PCDHGA5: variants seen among roughly 807,000 people sequenced by gnomAD.
PCDHGA5 encodes the protein protocadherin gamma-A5.
PCDHGA5 carries 36 observed loss-of-function variants against 56.7 expected under a neutral mutation model. The ratio of observed to expected loss-of-function variants is 0.64; its 90% CI spans 0.49 to 0.84. The LOEUF (loss-of-function observed/expected upper bound fraction) is 0.84. Ranked by LOEUF, PCDHGA5 falls within the 40% of genes least tolerant of loss-of-function variation. The probability of loss-of-function intolerance (pLI) is 0.00; values close to 1 mark genes in which losing one functional copy is unlikely to be tolerated. For missense variants in PCDHGA5, 1,305 were observed against 1,201.5 expected, an observed-to-expected ratio of 1.09 and a Z score of -1.27; for synonymous variants, 563 against 520.2, an observed-to-expected ratio of 1.08 and a Z score of -1.12.
At position 141,370,360 on chromosome 5, in the gene PCDHGA5, C is replaced by T. The variant is rs775816151; in HGVS notation, c.2421+3609C>T. 2.2e-5 allele frequency: 34 copies of T among 1,516,792 alleles called. No homozygotes were observed. In the South Asian group the frequency reaches 4.3e-4, roughly 19 times the overall value. The allele number at this position is 1,516,792 out of a possible 1,614,324, so 94.0% of individuals were successfully genotyped here. Reference sequence around the variant, plus strand: ...TGGGATTATTTAAAGATCTCCTCTCCTCGGATTTAGAAAGGCAAAGGCGCA... The same window carrying T: ...TGGGATTATTTAAAGATCTCCTCTCTTCGGATTTAGAAAGGCAAAGGCGCA... On this transcript the variant is annotated intron_variant, in intron 1 of 3. Transcript: ENST00000518069.
chr5:141,422,836 G>A, intron 1 of PCDHGA5: 1 of 1,614,250 alleles, frequency 6.2e-7, no homozygotes, highest in Middle Eastern at 1.6e-4. Flanking sequence ...GATAGCACGT[G>A]ACAGCGGGGA....
At chr5:141,415,185 C>T (rs375113497) in intron 1 of PCDHGA5, 2 of 1,613,978 alleles carry the variant, frequency 1.2e-6, no homozygotes, top group Non-Finnish European at 8.5e-7. Flanking sequence ...CCGTGGCCGA[C>T]AGCATCCCCC....
intron 1 of PCDHGA5, chr5:141,400,564 C>T: frequency 6.2e-7 from 1 of 1,612,936 alleles, no homozygotes; most frequent in South Asian, 1.1e-5. Context: ...ATTACCCACC[C>T]AATTTTCTGT....
At chr5:141,435,719 C>T (rs890713374) in intron 1 of PCDHGA5, among the ~76,000 whole-genome samples, 6 of 152,156 alleles carry the variant, frequency 3.9e-5, no homozygotes, top group Admixed American at 3.3e-4. Context: ...ACACTGAATG[C>T]TAAAGTGTAT....
intron 1 of PCDHGA5, among the ~76,000 whole-genome samples, chr5:141,468,064 C>T (rs1026571562): frequency 3.3e-5 from 5 of 152,076 alleles, no homozygotes; most frequent in Non-Finnish European, 7.4e-5. Flanking sequence ...GTGGCTCACA[C>T]CTGTAATCCC....
chr5:141,375,000 A>G (rs1771022536), intron 1 of PCDHGA5: 3 of 1,614,046 alleles, frequency 1.9e-6, no homozygotes, highest in Non-Finnish European at 8.5e-7. Context: ...ACTTCTGCAA[A>G]TCTAGACTAT....
chr5:141,409,045 C>T (rs1228603483), intron 1 of PCDHGA5: 1 of 1,613,878 alleles, frequency 6.2e-7, no homozygotes, highest in Non-Finnish European at 8.5e-7. Flanking sequence ...ACTACTACTT[C>T]CGAAGCACTG....
intron 1 of PCDHGA5, chr5:141,421,700 C>G: frequency 6.2e-7 from 1 of 1,613,900 alleles, no homozygotes; most frequent in Non-Finnish European, 8.5e-7. Context: ...CTTCCTAATG[C>G]TAGGGATCCA....
intron 1 of PCDHGA5, among the ~76,000 whole-genome samples, chr5:141,461,100 T>C (rs926482549): frequency 1.1e-4 from 16 of 152,062 alleles, no homozygotes; most frequent in African/African-American, 3.6e-4. Context: ...TATAAACATA[T>C]GTGTCCAAGT....
intron 1 of PCDHGA5, among the ~76,000 whole-genome samples, chr5:141,406,591 A>T (rs559975786): frequency 6.6e-6 from 1 of 152,164 alleles, no homozygotes; most frequent in African/African-American, 2.4e-5. Flanking sequence ...TTTCCCTTTA[A>T]TGGTGAAAGT....
chr5:141,385,411 G>A, intron 1 of PCDHGA5: 1 of 1,474,668 alleles, frequency 6.8e-7, no homozygotes, highest in East Asian at 2.4e-5. Context: ...TTTGAAAATA[G>A]GGATTTAAAA....
intron 1 of PCDHGA5, chr5:141,385,487 A>T (rs1781222873): frequency 5.6e-6 from 8 of 1,416,434 alleles, no homozygotes; most frequent in Non-Finnish European, 6.4e-6. Context: ...TATAGAACAC[A>T]TAGGATATAG....
intron 1 of PCDHGA5, chr5:141,405,545 A>G (rs952875482): frequency 1.6e-6 from 1 of 631,162 alleles, no homozygotes; most frequent in South Asian, 2.0e-5. Flanking sequence ...TCAGCCTCCC[A>G]AGTAGAGTAG....
intron 1 of PCDHGA5, chr5:141,479,521 T>C (rs4912607): frequency 0.2 from 30,680 of 152,154 alleles, 3,215 homozygotes; most frequent in Admixed American, 0.29. Flanking sequence ...CTGGCCCAGG[T>C]TGGAAGTGGA....
In PCDHGA5 at chr5:141,490,803, C is replaced by A; in HGVS notation, c.2422-4004C>A. The A allele has an allele frequency of 6.2e-7, 1 of 1,613,956 alleles. No homozygotes were observed. Among genetic ancestry groups the A allele is most frequent in the South Asian group, 1.1e-5 (1 of 91,080 alleles). On this transcript the variant is annotated intron_variant, in intron 1 of 3. Transcript: ENST00000518069. The surrounding 1 kb of genome is among the most constrained non-coding windows in gnomAD (Gnocchi z 5.4). ...ATGGACGGATCTTTGCCCAGCGTAC[C>A]TTTGACTATGAATTGCTGCAGATGC...
At chr5:141,408,927 T>C (rs1220361067) in intron 1 of PCDHGA5, 5 of 1,613,512 alleles carry the variant, frequency 3.1e-6, no homozygotes, top group African/African-American at 1.3e-5. Context: ...CCCCCGGTTT[T>C]CAGCAGAGAC....
Position 141,510,960 on chromosome 5 carries a change from G to C in PCDHGA5, c.2583G>C (p.Gly861=). The change falls in exon 4 of 4, where the codon GGG becomes GGC. Residue 861 remains glycine, a synonymous_variant. Transcript: ENST00000518069. ...CTGTCTCTGCAGAAGCTGCTGATGG[G>C]AGCTCCACCCTGGGAGGGGGTGCCG... The part of the protein sequence containing the change: ...ILASASEAAD[G]SSTLGGGAGT... 1 of 1,614,120 alleles carries C rather than the reference G, an allele frequency of 6.2e-7. No homozygotes were observed. Among genetic ancestry groups the C allele is most frequent in the Non-Finnish European group, 8.5e-7 (1 of 1,180,022 alleles).
chr5:141,488,748 T>C (rs2099679003), intron 1 of PCDHGA5, among the ~76,000 whole-genome samples: 1 of 152,270 alleles, frequency 6.6e-6, no homozygotes, highest in African/African-American at 2.4e-5. Flanking sequence ...ATGCAGGAAG[T>C]TGCTGGGACA....
chr5:141,431,731 T>G lies in PCDHGA5; in HGVS notation c.2422-63076T>G. 6.2e-7 allele frequency: 1 copy of G among 1,614,210 alleles called. No homozygotes were observed. The highest frequency in any genetic ancestry group is 8.5e-7 in the Non-Finnish European group (1 of 1,180,034). Reference sequence around the variant, plus strand: ...AGATGGAAGTGCAAGCAATGGATAATGCAGGATATTCTGCGCGAGCCAAAG... The same window carrying G: ...AGATGGAAGTGCAAGCAATGGATAAGGCAGGATATTCTGCGCGAGCCAAAG... On this transcript the variant is annotated intron_variant, in intron 1 of 3. Coordinates refer to ENST00000518069, the MANE Select transcript of PCDHGA5 (RefSeq NM_018918.3). The surrounding 1 kb of genome is among the most constrained non-coding windows in gnomAD (Gnocchi z 4.8).
Sources: gnomAD v4.1 joint callset for allele counts (sites outside exome capture counted in the v4.1 genomes callset) on GRCh38, gnomAD v4.1.1 for gene constraint, Gnocchi (gnomAD v3.1) non-coding constraint, MANE v1.5 for transcripts, NCBI Gene and HGNC (gene_info 2026-07-23, HGNC 2026-07-21) for gene names.